Variants in PTBP3 observed in about 807,000 individuals in gnomAD.
PTBP3 encodes the protein polypyrimidine tract-binding protein 3.
Under a neutral mutation model 58.7 loss-of-function variants are expected in PTBP3, and 20 were observed. The observed-to-expected ratio is 0.34, with a 90% confidence interval of 0.24 to 0.50. The LOEUF (loss-of-function observed/expected upper bound fraction) is 0.50. Among genes scored for constraint, PTBP3 ranks in the 20% least tolerant of loss-of-function variants. The probability of loss-of-function intolerance (pLI) is 0.98; values close to 1 mark genes in which losing one functional copy is unlikely to be tolerated. For missense variants in PTBP3, 509 were observed against 637.2 expected (o/e 0.80, Z 2.17); for synonymous variants, 185 against 219.8 (o/e 0.84, Z 1.40).
At chr9:112,345,839 G>A in the PTBP3 span, among the ~76,000 whole-genome samples, 2 of 151,862 alleles carry the variant, frequency 1.3e-5, no homozygotes, top group Admixed American at 6.6e-5. Flanking sequence ...TATTGCCATA[G>A]GAATAGACAA....
upstream of PTBP3, among the ~76,000 whole-genome samples, chr9:112,337,875 T>G (rs1319181287): frequency 6.6e-6 from 1 of 152,238 alleles, no homozygotes; most frequent in Non-Finnish European, 1.5e-5. Flanking sequence ...TAAGACTTCT[T>G]AATATATAAA....
intron 1 of PTBP3, among the ~76,000 whole-genome samples, chr9:112,325,672 G>T (rs1411169712): frequency 6.7e-6 from 1 of 149,586 alleles, no homozygotes; most frequent in Admixed American, 6.7e-5. Flanking sequence ...CTGAGTAAAA[G>T]AAATCAGACA....
At chr9:112,377,184 A>T in the PTBP3 span, among the ~76,000 whole-genome samples, 1 of 152,204 alleles carries the variant, frequency 6.6e-6, no homozygotes, top group Admixed American at 6.5e-5. Context: ...AACCTGGGCA[A>T]CATAGTGAGA....
intron 1 of PTBP3, among the ~76,000 whole-genome samples, chr9:112,302,855 T>G (rs9299204): frequency 0.84 from 127,888 of 152,138 alleles, 54,038 homozygotes; most frequent in African/African-American, 0.92. Context: ...CTCCTAAAGT[T>G]CTGGGATTAC....
intron 2 of PTBP3, among the ~76,000 whole-genome samples, chr9:112,277,836 ACTTGCACTCC>A (rs1827675212): frequency 6.6e-6 from 1 of 151,958 alleles, no homozygotes; most frequent in African/African-American, 2.4e-5. Flanking sequence ...AGATTGCACC[ACTTGCACTCC>A]CTGTCTCAAA....
intron 7 of PTBP3, among the ~76,000 whole-genome samples, chr9:112,236,424 C>G (rs1388927718): frequency 6.6e-6 from 1 of 151,992 alleles, no homozygotes; most frequent in Non-Finnish European, 1.5e-5. Context: ...CAAGCAAGCT[C>G]AAGATCATAG....
chr9:112,363,404 A>G, the PTBP3 span, among the ~76,000 whole-genome samples: 1 of 151,904 alleles, frequency 6.6e-6, no homozygotes, highest in Non-Finnish European at 1.5e-5. Context: ...CTGTAGTCCC[A>G]GTTACTCGGG....
intron 7 of PTBP3, among the ~76,000 whole-genome samples, chr9:112,236,623 T>G (rs1052884553): frequency 1.3e-5 from 2 of 152,190 alleles, no homozygotes; most frequent in Non-Finnish European, 2.9e-5. Flanking sequence ...ACTTGCCCCC[T>G]TCTATATAAC....
At chr9:112,260,470 G>A (rs1424658945) in intron 5 of PTBP3, among the ~76,000 whole-genome samples, 1 of 152,186 alleles carries the variant, frequency 6.6e-6, no homozygotes, top group Non-Finnish European at 1.5e-5. Flanking sequence ...TGCCAGGGGA[G>A]AGGGCTTGTT....
At chr9:112,374,883 C>A in the PTBP3 span, among the ~76,000 whole-genome samples, 1 of 152,192 alleles carries the variant, frequency 6.6e-6, no homozygotes, top group East Asian at 1.9e-4. Flanking sequence ...AATCAACCTG[C>A]CACCAGGTAG....
the PTBP3 span, chr9:112,379,882 T>TAAAAA: frequency 1.5e-5 from 8 of 548,202 alleles, no homozygotes; most frequent in Admixed American, 1.4e-4. Context: ...GTACGACCAG[T>TAAAAA]GAGGGGGCGG....
the PTBP3 span, among the ~76,000 whole-genome samples, chr9:112,354,729 G>A: frequency 6.6e-6 from 1 of 152,030 alleles, no homozygotes; most frequent in East Asian, 1.9e-4. Flanking sequence ...AAAGAGAGAT[G>A]GATAGCTCAA....
the PTBP3 span, among the ~76,000 whole-genome samples, chr9:112,375,231 C>A: frequency 6.6e-6 from 1 of 152,240 alleles, no homozygotes; most frequent in Non-Finnish European, 1.5e-5. Context: ...CATACCTCTT[C>A]CCCAAATTTT....
chr9:112,228,964 A>G (rs915748702), intron 10 of PTBP3, among the ~76,000 whole-genome samples: 1 of 152,172 alleles, frequency 6.6e-6, no homozygotes, highest in African/African-American at 2.4e-5. Flanking sequence ...AACCTAATTG[A>G]TCCTAACTCA....
In PTBP3 at chr9:112,262,523, T is replaced by C; in HGVS notation, c.428A>G (p.Glu143Gly). ...SLALSGGPSNEGTVLPGQSPV... is the reference protein window; with the variant it reads ...SLALSGGPSNGGTVLPGQSPV... ...GCTCTGCCCAGGTAGGACTGTGCCT[T>C]CATTGGAAGGACCTCCAGAAAGGGC... is the stretch of plus-strand genomic sequence containing the variant. Residue 143 changes from glutamate (E) to glycine (G), a missense_variant, in exon 5 of 14, where the codon GAA (glutamate) becomes GGA (glycine). Around this residue, in one of 4 missense-constraint regions of PTBP3, gnomAD observed 212 missense variants for 215.3 expected, o/e 0.98. Coordinates refer to ENST00000374257, the MANE Select transcript of PTBP3 (RefSeq NM_001163788.4). 1.2e-6 allele frequency: 2 copies of C among 1,611,874 alleles called. No individual in the cohort carries two copies. The highest frequency in any genetic ancestry group is 1.7e-6 in the Non-Finnish European group (2 of 1,179,238).
At chr9:112,245,286 G>C (rs1835833207) in intron 7 of PTBP3, among the ~76,000 whole-genome samples, 2 of 152,122 alleles carry the variant, frequency 1.3e-5, no homozygotes, top group South Asian at 4.1e-4. Context: ...TTCCAGCCTG[G>C]GCAGAGCGAG....
chr9:112,220,941 A>G lies in PTBP3; in HGVS notation c.*2910T>C, dbSNP rs936855068. 1.0e-6 allele frequency: 1 copy of G among 964,408 alleles called. No individual in the cohort carries two copies. The allele number at this position is 964,408 out of a possible 1,614,324, so 59.7% of individuals were successfully genotyped here. On this transcript the variant is annotated 3_prime_UTR_variant, in exon 14 of 14. Coordinates refer to ENST00000374257, the MANE Select transcript of PTBP3 (RefSeq NM_001163788.4). ...AAAAACCATTGCTAGAAGATACTGA[A>G]TAAATGCATGCCAAAACAGAGATAC... is the stretch of plus-strand genomic sequence containing the variant.
chr9:112,249,291 T>C (rs1426703146), intron 7 of PTBP3, among the ~76,000 whole-genome samples: 5 of 152,148 alleles, frequency 3.3e-5, no homozygotes, highest in Non-Finnish European at 7.4e-5. Flanking sequence ...TGGGTGGTAG[T>C]CACATGGGTG....
intron 1 of PTBP3, among the ~76,000 whole-genome samples, chr9:112,319,054 G>A (rs1157886030): frequency 2.6e-5 from 4 of 151,004 alleles, no homozygotes; most frequent in African/African-American, 9.8e-5. Flanking sequence ...TTGAACCTGG[G>A]AGGCGGAGGT....
Sources: gnomAD v4.1 joint callset for allele counts (sites outside exome capture counted in the v4.1 genomes callset) on GRCh38, gnomAD v4.1.1 for gene constraint, gnomAD v4.1.1 regional missense constraint, MANE v1.5 for transcripts, NCBI Gene and HGNC (gene_info 2026-07-23, HGNC 2026-07-21) for gene names.